NDRG2: variants seen among roughly 807,000 people sequenced by gnomAD.
NDRG2 encodes the protein protein NDRG2.
Under a neutral mutation model 58.2 loss-of-function variants are expected in NDRG2, and 34 were observed. The observed-to-expected ratio is 0.58, with a 90% CI of 0.44 to 0.78. The LOEUF is 0.78. Ranked by LOEUF, NDRG2 falls within the 30% of genes least tolerant of loss-of-function variation. The pLI, the probability that NDRG2 is intolerant of heterozygous loss-of-function variation, is 0.00. For synonymous variants in NDRG2, 187 were observed against 175.9 expected (o/e 1.06, Z -0.50); for missense variants, 434 against 471.2 (o/e 0.92, Z 0.73).
rs893597196 is a variant in NDRG2, at chr14:21,024,587, C to T, written c.-564G>A. 2.2e-5 allele frequency: 22 copies of T among 985,374 alleles called. No individual in the cohort carries two copies. The highest frequency in any genetic ancestry group is 2.7e-5 in the Non-Finnish European group (22 of 829,954). 61.0% of individuals were successfully genotyped at this position (985,374 alleles called of 1,614,324 possible). A position where few individuals can be genotyped will look rare whatever the true frequency, so the allele number is the denominator to read the frequency against. On this transcript the variant is annotated 5_prime_UTR_variant, in exon 1 of 16. Transcript: ENST00000556147. ...CACAAAGATTGGTGCCGTCGCTTCT[C>T]TCCTCTACTCAGTCTCCGTGTAGGT...
At chr14:21,041,026 CTG>C (rs1432777937) in intron 1 of NDRG2, among the ~76,000 whole-genome samples, 1 of 152,084 alleles carries the variant, frequency 6.6e-6, no homozygotes, top group Non-Finnish European at 1.5e-5. Context: ...GGGTCTCACT[CTG>C]TGACCCAGGC....
rs1885091210 is a variant in NDRG2, at chr14:21,045,215, A to G, written c.25-21894T>C. Among the ~76,000 whole-genome samples, 3 of 152,220 alleles carry G rather than the reference A, an allele frequency of 2.0e-5. No individual in the cohort carries two copies. In the South Asian group the frequency reaches 6.2e-4, roughly 32 times the overall value. On this transcript the variant is annotated intron_variant, in intron 1 of 14. Transcript: ENST00000403829. The stretch of plus-strand genomic sequence containing the variant: ...GGTTAGAGGACAAGCCCGCAGGCAG[A>G]GTCCTGGGAGGGCAGCCAGGTTGTC...
chr14:21,057,998 C>G (rs1329726505), intron 1 of NDRG2: 1 of 1,614,116 alleles, frequency 6.2e-7, no homozygotes, highest in South Asian at 1.1e-5. Flanking sequence ...GACATCATCT[C>G]AGTGGTTTAA....
chr14:21,038,476 A>C (rs902110967), intron 1 of NDRG2, among the ~76,000 whole-genome samples: 1 of 152,142 alleles, frequency 6.6e-6, no homozygotes, highest in African/African-American at 2.4e-5. Flanking sequence ...GATGTCTCTG[A>C]ATTGGGAGGG....
At chr14:21,018,635 A>C (rs2138840347) in intron 12 of NDRG2, 128 bp downstream of exon 12, 1 of 1,560,614 alleles carries the variant, frequency 6.4e-7, no homozygotes, top group East Asian at 2.3e-5. Context: ...ACCAGGAATC[A>C]AATTCTTAGT....
At chr14:21,018,314 T>C in intron 13 of NDRG2, 75 bp from the exon 14 acceptor site, 2 of 1,607,934 alleles carry the variant, frequency 1.2e-6, no homozygotes, top group Non-Finnish European at 8.5e-7. Flanking sequence ...AAAGGGTCTC[T>C]CTTCCCTAGC....
upstream of NDRG2, among the ~76,000 whole-genome samples, chr14:21,028,097 AT>A (rs1276002212): frequency 6.6e-6 from 1 of 152,152 alleles, no homozygotes; most frequent in East Asian, 1.9e-4. Flanking sequence ...CATATCTAGG[AT>A]TCATTTCCCC....
At chr14:21,031,974 GTGGCAA>G (rs776794936) in intron 1 of NDRG2, 1 of 1,614,198 alleles carries the variant, frequency 6.2e-7, no homozygotes, top group Non-Finnish European at 8.5e-7. Flanking sequence ...TTTGATGAGA[GTGGCAA>G]GGGCAAGGGC....
intron 1 of NDRG2, among the ~76,000 whole-genome samples, chr14:21,066,335 T>G (rs1485412969): frequency 6.6e-6 from 1 of 151,720 alleles, no homozygotes; most frequent in Non-Finnish European, 1.5e-5. Flanking sequence ...GTTTTTTTTT[T>G]TTGGAGACGG....
chr14:21,057,948 G>A (rs778083600), intron 1 of NDRG2: 1 of 1,613,930 alleles, frequency 6.2e-7, no homozygotes, highest in East Asian at 2.2e-5. Flanking sequence ...CTGGGGCTGT[G>A]GGTGGCAGAG....
At chr14:21,019,300 G>C in intron 10 of NDRG2, 140 bp from the exon 11 acceptor site, 1 of 819,992 alleles carries the variant, frequency 1.2e-6, no homozygotes, top group Non-Finnish European at 1.9e-6. Flanking sequence ...AACCAAAGGA[G>C]AAAGGGGCAG....
chr14:21,056,324 A>G lies in NDRG2; in HGVS notation c.24+14504T>C, dbSNP rs373328286. ...CTATTATTTTAATAATACGCTAAATATATATTTACTCATTTATTTTAAATA... is the reference window on the plus strand; with the variant it reads ...CTATTATTTTAATAATACGCTAAATGTATATTTACTCATTTATTTTAAATA... On this transcript the variant is annotated intron_variant, in intron 1 of 14. Coordinates refer to the NDRG2 transcript ENST00000403829. Among the ~76,000 whole-genome samples the G allele has an allele frequency of 1.2e-4, 19 of 152,324 alleles. No homozygotes were observed. In the East Asian group the frequency reaches 2.9e-3, roughly 23 times the overall value.
Position 21,019,980 on chromosome 14 carries a change from T to G in NDRG2, c.556-4A>C. ...TGGAAGAGGTGAGGCCTGTTAGCTATGAGGAGAAGGCAGGTGAGAAAGTTC... is the reference window on the plus strand; with the variant it reads ...TGGAAGAGGTGAGGCCTGTTAGCTAGGAGGAGAAGGCAGGTGAGAAAGTTC... On this transcript the variant is annotated splice_region_variant and splice_polypyrimidine_tract_variant and intron_variant, in intron 8 of 15. Coordinates refer to ENST00000556147, the MANE Select transcript of NDRG2 (RefSeq NM_001320329.2). 6.2e-7 allele frequency: 1 copy of G among 1,613,386 alleles called. No homozygotes were observed. The highest frequency in any genetic ancestry group is 8.5e-7 in the Non-Finnish European group (1 of 1,179,844).
rs531751781 is a variant in NDRG2, at chr14:21,032,844, A to G, written c.25-9523T>C. ...GTGTGTTATTAACTTTTTATTTTGA[A>G]TTGATTATGGGTTGACAGGAAGTTA... On this transcript the variant is annotated intron_variant, in intron 1 of 14. Coordinates refer to the NDRG2 transcript ENST00000403829. The G allele has an allele frequency of 4.7e-4, 197 of 422,588 alleles. 2 individuals are homozygous for G. Among genetic ancestry groups the G allele is most frequent in the South Asian group, 3.3e-3 (196 of 59,002 alleles). 26.2% of individuals were successfully genotyped at this position (422,588 alleles called of 1,614,324 possible).
upstream of NDRG2, chr14:21,025,310 C>T: frequency 2.1e-6 from 2 of 964,724 alleles, no homozygotes; most frequent in Non-Finnish European, 2.5e-6. This position sits in a 1 kb window ranked among gnomAD's most constrained non-coding sequence, Gnocchi z 5.1. Context: ...CCCCTCCCCG[C>T]ATTGGGGCGG....
chr14:21,039,603 G>T (rs1488075681), intron 1 of NDRG2, among the ~76,000 whole-genome samples: 1 of 152,160 alleles, frequency 6.6e-6, no homozygotes, highest in Non-Finnish European at 1.5e-5. Context: ...CCAAGTACAA[G>T]GTGAAGCAGA....
intron 1 of NDRG2, chr14:21,032,557 G>A: frequency 2.9e-6 from 1 of 347,486 alleles, no homozygotes; most frequent in Non-Finnish European, 5.6e-6. Flanking sequence ...GGGTGGAGGA[G>A]TAGAAGCCAG....
intron 1 of NDRG2, among the ~76,000 whole-genome samples, chr14:21,040,523 G>A (rs564002006): frequency 1.3e-5 from 2 of 152,312 alleles, no homozygotes; most frequent in South Asian, 2.1e-4. Context: ...AAGCTGACAC[G>A]TTCTTTATTC....
upstream of NDRG2, among the ~76,000 whole-genome samples, chr14:21,027,065 G>A (rs1883731537): frequency 3.3e-5 from 5 of 152,176 alleles, no homozygotes; most frequent in Admixed American, 3.3e-4. Context: ...ATGACTCAGG[G>A]GGAACCTGAT....
Sources: allele counts gnomAD v4.1 joint callset (sites outside exome capture counted in the v4.1 genomes callset), GRCh38; gene constraint gnomAD v4.1.1; non-coding constraint Gnocchi (gnomAD v3.1); transcripts MANE v1.5; gene names NCBI Gene and HGNC (gene_info 2026-07-23, HGNC 2026-07-21).